Variants in METAP1 observed in about 807,000 individuals in gnomAD.
METAP1 encodes methionine aminopeptidase 1.
Under a neutral mutation model 53.8 loss-of-function variants are expected in METAP1, and 28 were observed. The observed-to-expected ratio is 0.52, with a 90% CI of 0.39 to 0.71. The LOEUF is 0.71. Ranked by LOEUF, METAP1 falls within the 30% of genes least tolerant of loss-of-function variation. The probability of loss-of-function intolerance (pLI) is 0.00; values close to 1 mark genes in which losing one functional copy is unlikely to be tolerated. For missense variants in METAP1, 389 were observed against 479.8 expected (o/e 0.81, Z 1.77); for synonymous variants, 181 against 165.7 (o/e 1.09, Z -0.71).
chr4:99,035,108 T>G (rs1208305800), intron 3 of METAP1, among the ~76,000 whole-genome samples: 2 of 152,214 alleles, frequency 1.3e-5, no homozygotes, highest in Non-Finnish European at 2.9e-5. Flanking sequence ...AGACATCATT[T>G]TATTGTTGTT....
In METAP1 at chr4:99,057,749, T is replaced by A; in HGVS notation, c.932-4T>A. Reference sequence around the variant, plus strand: ...CCTTTTGAGATTTTTTTCTTTGATTTCAGAAAATAAAGCAGTTGGAGTGAT... The same window carrying A: ...CCTTTTGAGATTTTTTTCTTTGATTACAGAAAATAAAGCAGTTGGAGTGAT... On this transcript the variant is annotated splice_polypyrimidine_tract_variant and splice_region_variant and intron_variant, in intron 9 of 10. Coordinates refer to ENST00000296411, the MANE Select transcript of METAP1 (RefSeq NM_015143.3). The A allele has an allele frequency of 6.3e-7, 1 of 1,579,452 alleles. No homozygotes were observed. Among genetic ancestry groups the A allele is most frequent in the Non-Finnish European group, 8.6e-7 (1 of 1,161,728 alleles).
At position 99,017,789 on chromosome 4, in the gene METAP1, A is replaced by G. The variant is rs138033995; in HGVS notation, c.115-11078A>G. 5.3e-3 allele frequency among the ~76,000 whole-genome samples: 801 copies of G among 152,276 alleles called. 8 individuals are homozygous for G. Among genetic ancestry groups the G allele is most frequent in the Admixed American group, 0.024 (364 of 15,300 alleles). On this transcript the variant is annotated intron_variant, in intron 1 of 10. Coordinates refer to ENST00000296411, the MANE Select transcript of METAP1 (RefSeq NM_015143.3). Reference sequence around the variant, plus strand: ...GGTAATCTTTCTGCTTTCTTCCACTAATATGGCATTGGCTGCCACAGACTG... The same window carrying G: ...GGTAATCTTTCTGCTTTCTTCCACTGATATGGCATTGGCTGCCACAGACTG...
intron 4 of METAP1, among the ~76,000 whole-genome samples, chr4:99,036,650 T>C (rs932240548): frequency 6.6e-6 from 1 of 152,146 alleles, no homozygotes; most frequent in African/African-American, 2.4e-5. Context: ...ATGTGTCTTA[T>C]AAAGCCACCT....
chr4:99,039,552 G>A (rs566221586), intron 5 of METAP1, 87 bp downstream of exon 5: 2 of 766,208 alleles, frequency 2.6e-6, no homozygotes, highest in South Asian at 1.8e-5. Flanking sequence ...TATAAAGATA[G>A]CAAATGTTAT....
chr4:99,023,649 T>G, intron 1 of METAP1: 1 of 985,366 alleles, frequency 1.0e-6, no homozygotes, highest in Non-Finnish European at 1.2e-6. Context: ...GCCACTACTT[T>G]AGGATGGTTT....
chr4:98,996,061 G>C (rs1722605392), intron 1 of METAP1, among the ~76,000 whole-genome samples, 194 bp downstream of exon 1: 1 of 152,104 alleles, frequency 6.6e-6, no homozygotes, highest in Non-Finnish European at 1.5e-5. Flanking sequence ...CTCGGGAACC[G>C]CGCTGGGCTC....
intron 1 of METAP1, 108 bp downstream of exon 1, chr4:98,995,975 T>TTCCCCCCGGCCGCGTTTCCTCC: frequency 1.2e-6 from 1 of 835,112 alleles, no homozygotes; most frequent in Non-Finnish European, 1.9e-6. Flanking sequence ...GCTCCTCCTC[T>TTCCCCCCGGCCGCGTTTCCTCC]TCCCCCCGGC....
At chr4:99,047,587 T>TA (rs1238058556) in intron 8 of METAP1, among the ~76,000 whole-genome samples, 1 of 152,158 alleles carries the variant, frequency 6.6e-6, no homozygotes, top group Non-Finnish European at 1.5e-5. Context: ...TAAGAGCAAG[T>TA]AAAAATGTTA....
intron 1 of METAP1, among the ~76,000 whole-genome samples, chr4:99,007,561 TC>T (rs1723238825): frequency 6.6e-6 from 1 of 151,972 alleles, no homozygotes; most frequent in African/African-American, 2.4e-5. Context: ...CAATAGCTGA[TC>T]TTTTTTTTTT....
intron 1 of METAP1, chr4:98,997,475 A>C (rs755596943): frequency 1.3e-5 from 2 of 154,754 alleles, no homozygotes; most frequent in African/African-American, 4.8e-5. Flanking sequence ...AAAATTCCCA[A>C]ATTCTATCTT....
chr4:99,041,867 A>C (rs1400748391), intron 6 of METAP1, among the ~76,000 whole-genome samples: 1 of 127,106 alleles, frequency 7.9e-6, no homozygotes, highest in Admixed American at 7.1e-5. Flanking sequence ...TGAGCTATGA[A>C]AATGTTTATA....
At chr4:99,014,168 T>G (rs981591549) in intron 1 of METAP1, among the ~76,000 whole-genome samples, 1 of 152,220 alleles carries the variant, frequency 6.6e-6, no homozygotes, top group African/African-American at 2.4e-5. Context: ...GGTTAAGATA[T>G]CTTTCCAATT....
chr4:98,996,478 C>T (rs1023212968), intron 1 of METAP1, among the ~76,000 whole-genome samples: 3 of 152,208 alleles, frequency 2.0e-5, no homozygotes, highest in African/African-American at 4.8e-5. Flanking sequence ...ACTTAAGCAA[C>T]TTTGGGGGTG....
chr4:99,012,667 T>TG (rs1723543935), intron 1 of METAP1, among the ~76,000 whole-genome samples: 1 of 150,346 alleles, frequency 6.7e-6, no homozygotes, highest in South Asian at 2.1e-4. Context: ...TTTTTTTTTT[T>TG]TTTTTTTTTT....
chr4:99,048,938 C>A, intron 9 of METAP1, 62 bp downstream of exon 9: 1 of 1,535,576 alleles, frequency 6.5e-7, no homozygotes, highest in Non-Finnish European at 8.9e-7. Flanking sequence ...CTTATTCATA[C>A]ATTTAACAGT....
chr4:99,022,471 A>C (rs1724192542), intron 1 of METAP1: 1 of 609,006 alleles, frequency 1.6e-6, no homozygotes, highest in Admixed American at 2.5e-5. Flanking sequence ...CCGGGCCCTC[A>C]GTTCCTGCTC....
chr4:98,995,812 T>G lies in METAP1; in HGVS notation c.59T>G (p.Leu20Arg). The G allele has an allele frequency of 3.9e-6, 6 of 1,545,518 alleles. No homozygotes were observed. The highest frequency in any genetic ancestry group is 5.2e-6 in the Non-Finnish European group (6 of 1,144,132). The change falls in exon 1 of 11, where the codon CTC (leucine) becomes CGC (arginine). Residue 20 changes from leucine (L) to arginine (R), a missense_variant. Transcript: ENST00000296411. ...ETDGCSSEAK[L>R]QCPTCIKLGI... ...GACGGCTGCAGCAGTGAGGCCAAGC[T>G]CCAGTGTCCCACTTGCATCAAGCTG...
intron 1 of METAP1, among the ~76,000 whole-genome samples, chr4:99,024,053 C>T (rs1009551720): frequency 6.6e-6 from 1 of 152,190 alleles, no homozygotes; most frequent in Non-Finnish European, 1.5e-5. Context: ...AAGCCCACAG[C>T]CCGGCGCCAC....
At chr4:99,018,255 G>A (rs1326321917) in intron 1 of METAP1, among the ~76,000 whole-genome samples, 1 of 152,172 alleles carries the variant, frequency 6.6e-6, no homozygotes, top group African/African-American at 2.4e-5. Context: ...TCTAACTTCT[G>A]TTTCTACATA....
Sources: allele counts gnomAD v4.1 joint callset (sites outside exome capture counted in the v4.1 genomes callset), GRCh38; gene constraint gnomAD v4.1.1; transcripts MANE v1.5; gene names NCBI Gene and HGNC (gene_info 2026-07-23, HGNC 2026-07-21).